The following MFSD11 variants were observed in gnomAD, a reference collection of about 807,000 sequenced individuals.
MFSD11 encodes the protein UNC93-like protein MFSD11.
MFSD11 carries 36 observed loss-of-function variants against 53.5 expected under a neutral mutation model. The observed-to-expected ratio is 0.67, with a 90% CI of 0.52 to 0.89. MFSD11 has a LOEUF of 0.89. MFSD11 is among the 40% of genes least tolerant of loss of function. The pLI is 0.00. For missense variants in MFSD11, 530 were observed against 543.9 expected (o/e 0.97, Z 0.25); for synonymous variants, 186 against 184.9 (o/e 1.01, Z -0.05).
chr17:76,753,926 G>A (rs958237883), intron 7 of MFSD11, 121 bp from the exon 8 acceptor site: 14 of 723,538 alleles, frequency 1.9e-5, no homozygotes, highest in Non-Finnish European at 3.1e-5. Context: ...GAGTCACTGG[G>A]AATGCATCTC....
At chr17:76,747,163 G>A (rs1204651329) in intron 7 of MFSD11, among the ~76,000 whole-genome samples, 1 of 152,136 alleles carries the variant, frequency 6.6e-6, no homozygotes, top group Non-Finnish European at 1.5e-5. Flanking sequence ...TCTAAGCAAA[G>A]TAAATTGTAA....
the MFSD11 span, among the ~76,000 whole-genome samples, chr17:76,790,751 C>T: frequency 6.8e-6 from 1 of 146,204 alleles, no homozygotes; most frequent in African/African-American, 2.6e-5. Flanking sequence ...ACCATCCTGG[C>T]CAAAATGGTG....
At chr17:76,750,308 A>G (rs2078943256) in intron 7 of MFSD11, among the ~76,000 whole-genome samples, 1 of 151,320 alleles carries the variant, frequency 6.6e-6, no homozygotes, top group Non-Finnish European at 1.5e-5. Flanking sequence ...GAGTTTTATG[A>G]TGAGGAAAAA....
chr17:76,758,539 C>T (rs781586364), intron 8 of MFSD11, among the ~76,000 whole-genome samples: 29 of 144,556 alleles, frequency 2.0e-4, no homozygotes, highest in Non-Finnish European at 2.7e-4. Flanking sequence ...ACAGTGATGG[C>T]GCCACTGCAC....
At chr17:76,738,772 C>T (rs767339631) in intron 1 of MFSD11, among the ~76,000 whole-genome samples, 166 bp from the exon 2 acceptor site, 39 of 152,196 alleles carry the variant, frequency 2.6e-4, no homozygotes, top group Admixed American at 3.9e-4. Context: ...ATTGGTTTGC[C>T]TTCTGCAGTT....
downstream of MFSD11, among the ~76,000 whole-genome samples, chr17:76,780,736 G>A (rs1359028791): frequency 6.6e-6 from 1 of 151,892 alleles, no homozygotes; most frequent in Non-Finnish European, 1.5e-5. Flanking sequence ...GGCTGGTCTC[G>A]AACTCTTGAC....
rs368885137 is a variant in MFSD11 at position 76,744,364 on chromosome 17, G to A, written c.539G>A (p.Ser180Asn). The part of the protein sequence containing the change: ...RTVFIALTVI[S>N]LVGTVLFFLI... ...GTGTTTATTGCCCTAACGGTGATTA[G>A]CCTTGTGGGGACAGTTCTATTCTTT... Residue 180 changes from serine (S) to asparagine (N), a missense_variant, in exon 7 of 13, where the codon AGC becomes AAC. Ser to Asn is a conservative substitution (Grantham distance 46). Transcript: ENST00000685175. 7.7e-5 allele frequency: 125 copies of A among 1,613,966 alleles called. No homozygotes were observed. Among genetic ancestry groups the A allele is most frequent in the Non-Finnish European group, 1.0e-4 (123 of 1,180,002 alleles).
the MFSD11 span, among the ~76,000 whole-genome samples, chr17:76,801,025 C>G: frequency 1.3e-5 from 2 of 150,882 alleles, no homozygotes; most frequent in Non-Finnish European, 3.0e-5. Context: ...TGCAGTGAGC[C>G]GAGATGGCAC....
At chr17:76,753,614 C>G (rs139795261) in intron 7 of MFSD11, among the ~76,000 whole-genome samples, 1 of 146,128 alleles carries the variant, frequency 6.8e-6, no homozygotes, top group Non-Finnish European at 1.5e-5. Context: ...CCTGAGCCTG[C>G]GAGGTGGGGG....
At chr17:76,803,184 C>A in the MFSD11 span, among the ~76,000 whole-genome samples, 3 of 150,410 alleles carry the variant, frequency 2.0e-5, no homozygotes, top group Admixed American at 1.3e-4. Flanking sequence ...ACAAAACAAA[C>A]AAAAAAAAAC....
chr17:76,773,611 T>C (rs1189088817), intron 10 of MFSD11, among the ~76,000 whole-genome samples: 1 of 152,190 alleles, frequency 6.6e-6, no homozygotes, highest in African/African-American at 2.4e-5. Flanking sequence ...ACCTTCACTT[T>C]TTAAATTTTT....
At chr17:76,743,315 A>C in intron 5 of MFSD11, 83 bp from the exon 6 acceptor site, 1 of 923,392 alleles carries the variant, frequency 1.1e-6, no homozygotes, top group Non-Finnish European at 1.6e-6. Flanking sequence ...CTCTTACAAC[A>C]AATAATGGGA....
the MFSD11 span, among the ~76,000 whole-genome samples, chr17:76,794,954 A>G: frequency 6.6e-6 from 1 of 151,502 alleles, no homozygotes. Context: ...TCGGCCTTCA[A>G]AAGTGATGGG....
Position 76,776,088 on chromosome 17 carries a change from C to T in MFSD11, c.1050-318C>T, listed in dbSNP as rs1012455670. Among the ~76,000 whole-genome samples the T allele has an allele frequency of 2.0e-5, 3 of 152,176 alleles. No individual in the cohort carries two copies. The highest frequency in any genetic ancestry group is 1.9e-4 in the East Asian group (1 of 5,202). On this transcript the variant is annotated intron_variant, in intron 11 of 12. Coordinates refer to ENST00000685175, the MANE Select transcript of MFSD11 (RefSeq NM_001242532.5). This position sits in a 1 kb window ranked among gnomAD's most constrained non-coding sequence, Gnocchi z 4.2. ...CCACCTCCGGGGTTCAAGTGATTCT[C>T]GTGTCTCAGCCTCCCGAGTAGCTGG...
At chr17:76,736,831 G>C (rs778651965), upstream of MFSD11, 1 of 1,601,228 alleles carries the variant, frequency 6.2e-7, no homozygotes, top group African/African-American at 1.3e-5. Context: ...CACCGCCCCC[G>C]TACCTGCGGG....
rs369520630 is a variant in MFSD11, at chr17:76,741,982, G to A, written c.274G>A (p.Val92Ile). Residue 92 changes from valine (V) to isoleucine (I), a missense_variant, in exon 4 of 13, where the codon GTT (valine) becomes ATT (isoleucine). Physicochemically the swap from Val to Ile is conservative, Grantham distance 29. Transcript: ENST00000685175. ...SGLFYSMYIA[V>I]FIQPFPWSFY... ...GTTATATTTTAGCATGTACATTGCC[G>A]TTTTCATCCAGCCTTTCCCGTGGTC... The A allele has an allele frequency of 4.0e-5, 64 of 1,613,972 alleles. No homozygotes were observed. Among genetic ancestry groups the A allele is most frequent in the Admixed American group, 1.2e-4 (7 of 60,000 alleles).
At chr17:76,786,429 A>G (rs1347777523), downstream of MFSD11, among the ~76,000 whole-genome samples, 2 of 152,158 alleles carry the variant, frequency 1.3e-5, no homozygotes, top group Non-Finnish European at 2.9e-5. Flanking sequence ...GGCATAAGCC[A>G]CCACACCTGG....
At chr17:76,765,900 C>T (rs991846189) in intron 8 of MFSD11, among the ~76,000 whole-genome samples, 1 of 151,132 alleles carries the variant, frequency 6.6e-6, no homozygotes, top group African/African-American at 2.4e-5. Flanking sequence ...ATGGAACTTC[C>T]CTCTGTTATT....
chr17:76,742,950 A>G (rs966591221), intron 5 of MFSD11, among the ~76,000 whole-genome samples: 2 of 152,236 alleles, frequency 1.3e-5, no homozygotes, highest in African/African-American at 2.4e-5. Context: ...GTTACATTTT[A>G]AAGAGTTGTA....
Sources: allele counts gnomAD v4.1 joint callset (sites outside exome capture counted in the v4.1 genomes callset), GRCh38; gene constraint gnomAD v4.1.1; non-coding constraint Gnocchi (gnomAD v3.1); transcripts MANE v1.5; gene names NCBI Gene and HGNC (gene_info 2026-07-23, HGNC 2026-07-21).